The following CYP3A43 variants were observed in gnomAD, a reference collection of about 807,000 sequenced individuals.
CYP3A43 encodes the protein cytochrome P450 3A43.
A neutral mutation model predicts 58.0 loss-of-function variants in CYP3A43; 45 were observed. That is an observed-to-expected ratio of 0.78 (90% confidence interval 0.61 to 0.99). The LOEUF is 0.99. Ranked by LOEUF, CYP3A43 falls within the 50% of genes least tolerant of loss-of-function variation. The pLI is 0.00. For missense variants in CYP3A43, 593 were observed against 591.9 expected (o/e 1.00, Z -0.02); for synonymous variants, 191 against 201.4 (o/e 0.95, Z 0.44).
At position 99,863,818 on chromosome 7, in the gene CYP3A43, T is replaced by C. The variant is rs917239613; in HGVS notation, c.1416+119T>C. The C allele has an allele frequency of 6.1e-6, 5 of 814,182 alleles. No homozygotes were observed. In the African/African-American group the frequency reaches 1.1e-4, roughly 18 times the overall value. 50.4% of individuals were successfully genotyped at this position (814,182 alleles called of 1,614,324 possible). ...TTGCTCTGTAGGACAAAGAATCTAA[T>C]TGGAGCTATCCATAATGCTTAAAGA... On this transcript the variant is annotated intron_variant, in intron 12 of 12. Coordinates refer to ENST00000354829, the MANE Select transcript of CYP3A43 (RefSeq NM_057095.3).
chr7:99,865,388 A>T (rs912582785), intron 12 of CYP3A43, among the ~76,000 whole-genome samples: 2 of 148,580 alleles, frequency 1.3e-5, no homozygotes, highest in Non-Finnish European at 2.9e-5. Context: ...ACAAAAGCAT[A>T]ATGCTTCTTG....
At chr7:99,835,969 G>T (rs2151591879) in intron 1 of CYP3A43, among the ~76,000 whole-genome samples, 1 of 152,256 alleles carries the variant, frequency 6.6e-6, no homozygotes, top group African/African-American at 2.4e-5. Flanking sequence ...ATCCAGAGAT[G>T]GTACTCTTAG....
In CYP3A43 at chr7:99,836,442, T is replaced by A. The variant is rs776204296; in HGVS notation, c.72-11T>A. ...AATTTCTGTAACCTGGCTTTCTCTT[T>A]TATTTTATAGTTATGGGACCCATTC... On this transcript the variant is annotated splice_polypyrimidine_tract_variant and intron_variant, in intron 1 of 12. Transcript: ENST00000354829. 1 of 1,607,726 alleles carries A rather than the reference T, an allele frequency of 6.2e-7. No homozygotes were observed.
rs550420563 is a variant in CYP3A43, at chr7:99,856,837, G to A, written c.803G>A (p.Arg268Gln). 23 of 1,613,756 alleles carry A rather than the reference G, an allele frequency of 1.4e-5. No individual in the cohort carries two copies. The highest frequency in any genetic ancestry group is 8.8e-5 in the South Asian group (8 of 90,966). The change falls in exon 9 of 13, where the codon CGA becomes CAA. Residue 268 changes from arginine to glutamine, a missense_variant. Physicochemically the swap from Arg to Gln is conservative, Grantham distance 43. Coordinates refer to ENST00000354829, the MANE Select transcript of CYP3A43 (RefSeq NM_057095.3). ...ESRLKDKQKH[R>Q]VDFFQQMIDS... ...AATTTCTCTTTTTGCTTCCAGCATC[G>A]AGTAGATTTCTTTCAACAGATGATC...
intron 7 of CYP3A43, among the ~76,000 whole-genome samples, chr7:99,853,223 C>A (rs1817830431): frequency 6.6e-6 from 1 of 152,098 alleles, no homozygotes; most frequent in African/African-American, 2.4e-5. Flanking sequence ...ACTATCTGGC[C>A]TGGCCTTTTC....
intron 4 of CYP3A43, among the ~76,000 whole-genome samples, chr7:99,846,475 G>A (rs1385802962): frequency 6.6e-6 from 1 of 152,128 alleles, no homozygotes; most frequent in Non-Finnish European, 1.5e-5. Context: ...AGCTCTAGAA[G>A]TCTTTTTGTA....
At chr7:99,847,404 A>T in intron 4 of CYP3A43, 84 bp from the exon 5 acceptor site, 1 of 1,393,158 alleles carries the variant, frequency 7.2e-7, no homozygotes, top group Non-Finnish European at 9.9e-7. Flanking sequence ...TGTTAAATTC[A>T]TGATGCCTGT....
At chr7:99,847,807 A>G in intron 5 of CYP3A43, 2 of 670,606 alleles carry the variant, frequency 3.0e-6, no homozygotes, top group Non-Finnish European at 4.9e-6. Flanking sequence ...AGGTTAGGAG[A>G]TTGAGACCAG....
chr7:99,844,874 T>G (rs560845728), intron 4 of CYP3A43, among the ~76,000 whole-genome samples: 3 of 151,900 alleles, frequency 2.0e-5, no homozygotes, highest in Non-Finnish European at 4.4e-5. Flanking sequence ...ATCAAGACCA[T>G]CCTGGCCAAC....
intron 9 of CYP3A43, among the ~76,000 whole-genome samples, chr7:99,859,339 A>C (rs1009975737): frequency 6.6e-6 from 1 of 152,204 alleles, no homozygotes; most frequent in Non-Finnish European, 1.5e-5. Flanking sequence ...TCCCGCAAAC[A>C]TGCTTAGAGA....
intron 1 of CYP3A43, among the ~76,000 whole-genome samples, chr7:99,831,044 C>A (rs1448059974): frequency 6.6e-6 from 1 of 152,144 alleles, no homozygotes; most frequent in Non-Finnish European, 1.5e-5. Flanking sequence ...TCTACCTAGA[C>A]TAACAACCAG....
At chr7:99,838,786 C>A in intron 2 of CYP3A43, 2 of 680,424 alleles carry the variant, frequency 2.9e-6, no homozygotes, top group Non-Finnish European at 2.2e-6. Flanking sequence ...TCGAGACCAG[C>A]TTTGCCAACA....
Position 99,849,556 on chromosome 7 carries a change from G to GCCTAC in CYP3A43, c.533_537dup (p.Thr180ProfsTer6). ...TTTTACTCTACTCAGTTTCTTTGGG[G>GCCTAC]CCTACACCATGGATGTAATCACTGG... is the stretch of plus-strand genomic sequence containing the variant. On this transcript the variant is annotated frameshift_variant, in exon 7 of 13. Transcript: ENST00000354829. LOFTEE classifies it high-confidence loss of function. 1 of 1,607,616 alleles carries GCCTAC rather than the reference G, an allele frequency of 6.2e-7. No homozygotes were observed. The highest frequency in any genetic ancestry group is 8.5e-7 in the Non-Finnish European group (1 of 1,178,468).
intron 3 of CYP3A43, 142 bp from the exon 4 acceptor site, chr7:99,844,001 C>A: frequency 1.6e-6 from 1 of 622,046 alleles, no homozygotes; most frequent in Non-Finnish European, 2.8e-6. Context: ...CCTAATTGAC[C>A]TTGGAGCTGG....
At chr7:99,854,544 T>G (rs2151616943) in intron 7 of CYP3A43, among the ~76,000 whole-genome samples, 1 of 152,246 alleles carries the variant, frequency 6.6e-6, no homozygotes, top group South Asian at 2.1e-4. Flanking sequence ...TTTTCTTTAT[T>G]GCTTTTAAAT....
chr7:99,849,989 G>T (rs573180199), intron 7 of CYP3A43: 3 of 409,350 alleles, frequency 7.3e-6, no homozygotes, highest in South Asian at 5.1e-5. Flanking sequence ...ACAGAGTCTC[G>T]CTGTGTTGCC....
Position 99,849,234 on chromosome 7 carries a change from C to T in CYP3A43, c.522-312C>T, listed in dbSNP as rs116995031. 1.2e-3 allele frequency among the ~76,000 whole-genome samples: 182 copies of T among 152,342 alleles called. 5 individuals carry two copies. The East Asian group carries it at 0.033, about 28-fold the overall frequency. On this transcript the variant is annotated intron_variant, in intron 6 of 12. Transcript: ENST00000354829. The stretch of plus-strand genomic sequence containing the variant: ...AAGCACAGTGTTGACACACCTTTTA[C>T]CATCCACACTCAACACAAACTACTG...
chr7:99,845,093 G>A (rs1337055782), intron 4 of CYP3A43, among the ~76,000 whole-genome samples: 1 of 151,360 alleles, frequency 6.6e-6, no homozygotes, highest in Non-Finnish European at 1.5e-5. Flanking sequence ...AAGTTATATG[G>A]TTCAATGCTT....
chr7:99,830,076 GCTAA>G (rs1039637781), intron 1 of CYP3A43, among the ~76,000 whole-genome samples: 7 of 152,134 alleles, frequency 4.6e-5, no homozygotes, highest in Non-Finnish European at 1.0e-4. Flanking sequence ...TCAGAACCAA[GCTAA>G]CTCTTATGTT....
Sources: gnomAD v4.1 joint callset for allele counts (sites outside exome capture counted in the v4.1 genomes callset) on GRCh38, gnomAD v4.1.1 for gene constraint, MANE v1.5 for transcripts, NCBI Gene and HGNC (gene_info 2026-07-23, HGNC 2026-07-21) for gene names.